The following BCAR1 variants were observed in gnomAD, a reference collection of about 807,000 sequenced individuals.
BCAR1 encodes BCAR1 scaffold protein, Cas family member.
In BCAR1, 30 loss-of-function variants were observed where a neutral mutation model predicts 67.6. The observed-to-expected ratio is 0.44, with a 90% CI of 0.33 to 0.60. The LOEUF (loss-of-function observed/expected upper bound fraction) is 0.60, where lower values mean the gene tolerates loss of function less well. Among genes scored for constraint, BCAR1 ranks in the 20% least tolerant of loss-of-function variants. The probability of loss-of-function intolerance (pLI) is 0.02; values close to 1 mark genes in which losing one functional copy is unlikely to be tolerated. For missense variants in BCAR1, 1,313 were observed against 1,222.3 expected, an observed-to-expected ratio of 1.07 and a Z score of -1.11; for synonymous variants, 626 against 556.7, an observed-to-expected ratio of 1.12 and a Z score of -1.75.
intron 1 of BCAR1, among the ~76,000 whole-genome samples, chr16:75,243,692 C>G (rs893039527): frequency 6.6e-6 from 1 of 152,222 alleles, no homozygotes; most frequent in Non-Finnish European, 1.5e-5. Flanking sequence ...CCTCAGCAAA[C>G]CCTTGCAGAG....
chr16:75,251,003 C>A, intron 1 of BCAR1: 1 of 985,586 alleles, frequency 1.0e-6, no homozygotes, highest in Non-Finnish European at 1.2e-6. Flanking sequence ...CACGCACTTG[C>A]CCGCCCGGCC....
chr16:75,229,780 T>C lies in BCAR1; in HGVS notation c.2344A>G (p.Ser782Gly). 6.2e-7 allele frequency: 1 copy of C among 1,613,532 alleles called. No homozygotes were observed. The highest frequency in any genetic ancestry group is 8.5e-7 in the Non-Finnish European group (1 of 1,180,010). Residue 782 changes from serine to glycine, a missense_variant, in exon 7 of 7, where the codon AGC (serine) becomes GGC (glycine). Physicochemically the swap from Ser to Gly is moderately conservative, Grantham distance 56. This residue lies in a region of BCAR1 where 1,272 missense variants were observed against 1,137.5 expected (regional missense o/e 1.12). Coordinates refer to ENST00000162330, the MANE Select transcript of BCAR1 (RefSeq NM_014567.5). ...NQPPKIFVAH[S>G]KFVILSAHKL... ...TGGGCGCTGAGGATGACGAACTTGCTGTGCGCCACAAAGATCTTGGGCGGC... is the reference window on the plus strand; with the variant it reads ...TGGGCGCTGAGGATGACGAACTTGCCGTGCGCCACAAAGATCTTGGGCGGC...
intron 2 of BCAR1, chr16:75,239,101 C>T (rs1007426370): frequency 3.0e-6 from 3 of 985,238 alleles, no homozygotes; most frequent in African/African-American, 1.7e-5. Flanking sequence ...CCACAGTGAC[C>T]AAATGTTTCT....
chr16:75,246,508 G>A (rs2077528336), intron 1 of BCAR1: 1 of 152,288 alleles, frequency 6.6e-6, no homozygotes, highest in Non-Finnish European at 1.5e-5. Context: ...ACATTCCACA[G>A]GATTCCTGTC....
chr16:75,232,396 G>C (rs1281846435), intron 6 of BCAR1, among the ~76,000 whole-genome samples: 1 of 152,152 alleles, frequency 6.6e-6, no homozygotes, highest in East Asian at 1.9e-4. Flanking sequence ...GTGACCTCAA[G>C]TGATCTGCCC....
At chr16:75,233,739 A>T in intron 6 of BCAR1, 107 bp downstream of exon 6, 1 of 1,178,880 alleles carries the variant, frequency 8.5e-7, no homozygotes, top group Non-Finnish European at 1.2e-6. Context: ...GAGCACTGTC[A>T]GACAACATGA....
At chr16:75,265,784 G>A in intron 1 of BCAR1, 1 of 1,196,620 alleles carries the variant, frequency 8.4e-7, no homozygotes, top group Admixed American at 4.5e-5. Flanking sequence ...CAGCCGGGCG[G>A]GGGACAGCCG....
intron 5 of BCAR1, 91 bp downstream of exon 5, chr16:75,234,798 G>A (rs1597175289): frequency 6.7e-7 from 1 of 1,487,222 alleles, no homozygotes; most frequent in South Asian, 1.4e-5. Flanking sequence ...GCCTTGCCAG[G>A]GACCAGGCCC....
intron 2 of BCAR1, among the ~76,000 whole-genome samples, chr16:75,240,337 A>G (rs3784938): frequency 0.21 from 31,324 of 152,146 alleles, 3,846 homozygotes; most frequent in East Asian, 0.48. Context: ...AGGTTCAGAC[A>G]CAGATGTCCC....
At chr16:75,241,096 T>C (rs2077323952) in intron 2 of BCAR1, among the ~76,000 whole-genome samples, 1 of 152,194 alleles carries the variant, frequency 6.6e-6, no homozygotes, top group Admixed American at 6.5e-5. Flanking sequence ...ATTTGTACGT[T>C]TGTGGGATAC....
chr16:75,255,593 G>A (rs1482543994), upstream of BCAR1, among the ~76,000 whole-genome samples: 1 of 152,182 alleles, frequency 6.6e-6, no homozygotes, highest in Non-Finnish European at 1.5e-5. Flanking sequence ...CTACTCAGGA[G>A]GCTGAGGCAG....
rs553413180 is a variant in BCAR1 at position 75,263,934 on chromosome 16, C to T, written c.66+3981G>A. ...CACCACCTCACACACTGCCCAAGGT[C>T]CCAGGAGAGAGAGCCACGGTGATCT... On this transcript the variant is annotated intron_variant, in intron 1 of 6. Transcript: ENST00000393422. 1,162 of 1,099,464 alleles carry T rather than the reference C, an allele frequency of 1.1e-3. 3 individuals carry two copies. Among genetic ancestry groups the T allele is most frequent in the Non-Finnish European group, 1.2e-3 (1,119 of 903,512 alleles). The allele number at this position is 1,099,464 out of a possible 1,614,324, so 68.1% of individuals were successfully genotyped here. A position where few individuals can be genotyped will look rare whatever the true frequency, so the allele number is the denominator to read the frequency against.
chr16:75,257,187 A>C (rs1347839655), intron 1 of BCAR1, among the ~76,000 whole-genome samples: 1 of 152,102 alleles, frequency 6.6e-6, no homozygotes, highest in Non-Finnish European at 1.5e-5. Flanking sequence ...CCCCAGCCCA[A>C]CCCAGCCCAG....
chr16:75,246,207 G>C (rs1303099977), intron 1 of BCAR1: 1 of 152,256 alleles, frequency 6.6e-6, no homozygotes, highest in East Asian at 1.9e-4. Context: ...TTGGGCTCAA[G>C]TGATCCTCCA....
At chr16:75,258,192 C>T (rs926363072) in intron 1 of BCAR1, among the ~76,000 whole-genome samples, 8 of 152,228 alleles carry the variant, frequency 5.3e-5, no homozygotes, top group Admixed American at 2.6e-4. Context: ...ATCCCGCAAC[C>T]AAGCCCTCCC....
upstream of BCAR1, chr16:75,251,708 C>T (rs1225047138): frequency 2.3e-5 from 23 of 989,222 alleles, no homozygotes; most frequent in Middle Eastern, 5.1e-4. Flanking sequence ...TGGCCGCCGC[C>T]GCTCTCCATG....
chr16:75,230,403 C>G (rs2076862996), intron 6 of BCAR1, among the ~76,000 whole-genome samples: 1 of 152,100 alleles, frequency 6.6e-6, no homozygotes, highest in Non-Finnish European at 1.5e-5. Context: ...GACCCCTCGA[C>G]CCTATCTTTG....
At chr16:75,253,285 G>T (rs574512887), upstream of BCAR1, among the ~76,000 whole-genome samples, 2 of 152,196 alleles carry the variant, frequency 1.3e-5, no homozygotes, top group Non-Finnish European at 2.9e-5. Context: ...CTGAACCAGC[G>T]GGACCCTCAG....
upstream of BCAR1, chr16:75,256,142 C>T (rs2077768743): frequency 6.6e-6 from 1 of 152,436 alleles, no homozygotes; most frequent in African/African-American, 2.4e-5. Context: ...CGACGGCTAC[C>T]TGGAGGCAGA....
Sources: allele counts gnomAD v4.1 joint callset (sites outside exome capture counted in the v4.1 genomes callset), GRCh38; gene constraint gnomAD v4.1.1; regional missense constraint gnomAD v4.1.1; transcripts MANE v1.5; gene names NCBI Gene and HGNC (gene_info 2026-07-23, HGNC 2026-07-21).